ASCC1: variants seen among roughly 807,000 people sequenced by gnomAD.
ASCC1 encodes the protein ASC-1 complex subunit P50.
A neutral mutation model predicts 46.6 loss-of-function variants in ASCC1; 35 were observed. That is an observed-to-expected ratio of 0.75 (90% confidence interval 0.57 to 0.99). The LOEUF is 0.99. ASCC1 is among the 50% of genes least tolerant of loss of function. ASCC1 has a pLI of 0.00. For missense variants in ASCC1, 376 were observed against 428.7 expected (o/e 0.88, Z 1.09); for synonymous variants, 143 against 146.6 (o/e 0.98, Z 0.18).
At chr10:72,105,414 C>G (rs1410693788) in intron 9 of ASCC1, among the ~76,000 whole-genome samples, 1 of 152,226 alleles carries the variant, frequency 6.6e-6, no homozygotes. Context: ...CGTGCTCCCT[C>G]CCACAAGGGG....
chr10:72,097,462 G>C lies in ASCC1; in HGVS notation c.958-12C>G. On this transcript the variant is annotated splice_polypyrimidine_tract_variant and intron_variant, in intron 9 of 9. Transcript: ENST00000672957. ...AAGTTCTCAAACAACTGAAAAGGAAGAATAAAAACCCAGAATGAATATTTA... is the reference window on the plus strand; with the variant it reads ...AAGTTCTCAAACAACTGAAAAGGAACAATAAAAACCCAGAATGAATATTTA... The C allele has an allele frequency of 6.7e-7, 1 of 1,487,774 alleles. No homozygotes were observed. Among genetic ancestry groups the C allele is most frequent in the East Asian group, 2.3e-5 (1 of 44,250 alleles). 92.2% of individuals were successfully genotyped at this position (1,487,774 alleles called of 1,614,324 possible).
rs1230780483 is a variant in ASCC1 at position 72,213,282 on chromosome 10, G to A, written c.17C>T (p.Pro6Leu). ...CCGGCCATCAATTCTTATAAGCTGT[G>A]GACGCAGAACTTCCATGACACTTTC... Reference protein sequence around the residue: MEVLRPQLIRIDGRNY... With the variant: MEVLRLQLIRIDGRNY... Residue 6 changes from proline (P) to leucine (L), a missense_variant, in exon 2 of 10, where the codon CCA becomes CTA. Transcript: ENST00000672957. 3 of 1,613,112 alleles carry A rather than the reference G, an allele frequency of 1.9e-6. No homozygotes were observed. The highest frequency in any genetic ancestry group is 2.5e-6 in the Non-Finnish European group (3 of 1,179,382).
At chr10:72,119,121 C>A (rs1843864697) in intron 9 of ASCC1, among the ~76,000 whole-genome samples, 1 of 152,228 alleles carries the variant, frequency 6.6e-6, no homozygotes, top group Non-Finnish European at 1.5e-5. Context: ...AATTGACGAA[C>A]TGCTAGAGGC....
At chr10:72,102,669 C>T (rs1841910396) in intron 9 of ASCC1, among the ~76,000 whole-genome samples, 2 of 152,012 alleles carry the variant, frequency 1.3e-5, no homozygotes, top group Admixed American at 1.3e-4. Context: ...TTACCTAATG[C>T]CAATAATTAT....
intron 6 of ASCC1, among the ~76,000 whole-genome samples, chr10:72,159,903 CTTTTTTTTTTT>C (rs900754769): frequency 1.5e-5 from 2 of 129,940 alleles, no homozygotes; most frequent in African/African-American, 5.7e-5. Flanking sequence ...TACACAGTTT[CTTTTTTTTTTT>C]TTTTTTTTGA....
intron 9 of ASCC1, among the ~76,000 whole-genome samples, chr10:72,103,762 G>C (rs949360945): frequency 6.6e-6 from 1 of 152,094 alleles, no homozygotes; most frequent in Non-Finnish European, 1.5e-5. Flanking sequence ...TGAAGACATA[G>C]AGCATAGAAA....
At chr10:72,155,089 A>C (rs1002963611) in intron 6 of ASCC1, among the ~76,000 whole-genome samples, 4 of 152,190 alleles carry the variant, frequency 2.6e-5, no homozygotes, top group African/African-American at 7.2e-5. Flanking sequence ...TGGAGGTATA[A>C]AAAATATGTT....
chr10:72,153,442 T>C (rs1848594872), intron 6 of ASCC1, among the ~76,000 whole-genome samples: 1 of 145,992 alleles, frequency 6.8e-6, no homozygotes, highest in Non-Finnish European at 1.5e-5. Flanking sequence ...TTTTGTTTTG[T>C]TTTGAGACGG....
chr10:72,174,075 T>G (rs972164420), intron 5 of ASCC1, among the ~76,000 whole-genome samples: 3 of 152,230 alleles, frequency 2.0e-5, no homozygotes, highest in African/African-American at 4.8e-5. Context: ...TCTTGTTAAA[T>G]AAGGCCTCAT....
rs146370051 is a variant in ASCC1 at position 72,133,059 on chromosome 10, T to C, written c.869A>G (p.Asn290Ser). ...CTATAGTTCTCTGGGGGACTTACCA[T>C]TGGGGTCTTTCCTGAATAGTGTATT... ...VMNTLFRKDP[N>S]AEGRYNLYTA... Residue 290 changes from asparagine (N) to serine (S), a missense_variant and splice_region_variant, in exon 8 of 10, where the codon AAT (asparagine) becomes AGT (serine). Asn to Ser is a conservative substitution (Grantham distance 46, BLOSUM62 1). Transcript: ENST00000672957. 2.0e-3 allele frequency: 3,247 copies of C among 1,613,978 alleles called. 3 individuals are homozygous for C. The highest frequency in any genetic ancestry group is 4.8e-3 in the Middle Eastern group (29 of 6,062).
At chr10:72,188,770 A>G (rs921216352) in intron 5 of ASCC1, among the ~76,000 whole-genome samples, 1 of 151,998 alleles carries the variant, frequency 6.6e-6, no homozygotes, top group South Asian at 2.1e-4. Flanking sequence ...GTCATCTCAT[A>G]TATTTATTTT....
chr10:72,189,802 C>CAAACAA (rs1491101268), intron 5 of ASCC1: 3 of 156,332 alleles, frequency 1.9e-5, no homozygotes, highest in African/African-American at 1.6e-4. Context: ...AACTCCATCT[C>CAAACAA]AAAAAAAAAA....
intron 7 of ASCC1, among the ~76,000 whole-genome samples, chr10:72,139,359 C>G (rs1846697643): frequency 6.6e-6 from 1 of 152,062 alleles, no homozygotes; most frequent in Non-Finnish European, 1.5e-5. Flanking sequence ...CGTGATCCAC[C>G]CAACCTTGGC....
At chr10:72,161,010 C>G (rs1166327388) in intron 6 of ASCC1, among the ~76,000 whole-genome samples, 5 of 151,928 alleles carry the variant, frequency 3.3e-5, no homozygotes, top group Non-Finnish European at 7.4e-5. Context: ...GAGAACCCAG[C>G]AGGCAGAGCT....
At chr10:72,187,983 A>C (rs1260861415) in intron 5 of ASCC1, among the ~76,000 whole-genome samples, 1 of 151,984 alleles carries the variant, frequency 6.6e-6, no homozygotes, top group African/African-American at 2.4e-5. Flanking sequence ...TGGTTTTACA[A>C]TTCTACACTA....
intron 3 of ASCC1, among the ~76,000 whole-genome samples, chr10:72,207,241 G>A (rs911699078): frequency 5.3e-5 from 8 of 151,900 alleles, no homozygotes; most frequent in South Asian, 4.2e-4. Flanking sequence ...GCAAAACCCC[G>A]TCTCTAACAA....
chr10:72,203,284 C>T, intron 4 of ASCC1, 143 bp downstream of exon 4: 2 of 675,400 alleles, frequency 3.0e-6, no homozygotes, highest in Non-Finnish European at 5.0e-6. Flanking sequence ...AAAACTCCGT[C>T]TCAAAAAAAA....
At chr10:72,133,211 A>T in intron 7 of ASCC1, 30 bp from the exon 8 acceptor site, 1 of 1,612,614 alleles carries the variant, frequency 6.2e-7, no homozygotes, top group South Asian at 1.1e-5. Context: ...GTAATGCAGA[A>T]ATCTTAGTAA....
chr10:72,152,791 GA>G, intron 7 of ASCC1, 77 bp downstream of exon 7: 2 of 1,525,992 alleles, frequency 1.3e-6, no homozygotes, highest in South Asian at 2.3e-5. Context: ...CAAAGAAAAG[GA>G]ATCAAAATGA....
Sources: allele counts gnomAD v4.1 joint callset (sites outside exome capture counted in the v4.1 genomes callset), GRCh38; gene constraint gnomAD v4.1.1; transcripts MANE v1.5; gene names NCBI Gene and HGNC (gene_info 2026-07-23, HGNC 2026-07-21).